Variants in NBPF20 observed in about 807,000 individuals in gnomAD.
NBPF20 encodes NBPF family member NBPF20.
Under a neutral mutation model 68.1 loss-of-function variants are expected in NBPF20, and 90 were observed. The observed-to-expected ratio is 1.32, with a 90% CI of 1.11 to 1.58. NBPF20 has a LOEUF of 1.58. Among genes scored for constraint, NBPF20 ranks in the 40% most tolerant of loss-of-function variants. The probability of loss-of-function intolerance (pLI) is 0.00; values close to 1 mark genes in which losing one functional copy is unlikely to be tolerated. For synonymous variants in NBPF20, 290 were observed against 228.1 expected, an observed-to-expected ratio of 1.27 and a Z score of -2.45; for missense variants, 816 against 601.2, an observed-to-expected ratio of 1.36 and a Z score of -3.74.
the NBPF20 span, among the ~76,000 whole-genome samples, chr1:145,424,869 C>G: frequency 3.9e-5 from 6 of 152,188 alleles, no homozygotes; most frequent in African/African-American, 1.4e-4. Context: ...GCATCATGGA[C>G]TTGGTACACC....
the NBPF20 span, among the ~76,000 whole-genome samples, chr1:145,417,371 A>G: frequency 2.7e-5 from 4 of 147,446 alleles, no homozygotes; most frequent in Non-Finnish European, 6.0e-5. Context: ...AAGAGATAAA[A>G]TAGGAGAAAA....
chr1:145,409,376 G>T (rs1227047236), upstream of NBPF20, among the ~76,000 whole-genome samples: 27 of 147,928 alleles, frequency 1.8e-4, no homozygotes, highest in Non-Finnish European at 3.6e-4. Flanking sequence ...ACTAACACAG[G>T]CCTCCCTAAC....
intron 137 of NBPF20, among the ~76,000 whole-genome samples, chr1:145,291,978 C>G (rs587758207): frequency 2.0e-5 from 3 of 149,860 alleles, no homozygotes; most frequent in South Asian, 4.2e-4. Flanking sequence ...GAGAGAGAGA[C>G]AGAGACAGAG....
chr1:145,424,692 A>G, the NBPF20 span, among the ~76,000 whole-genome samples: 1 of 152,208 alleles, frequency 6.6e-6, no homozygotes, highest in Non-Finnish European at 1.5e-5. Flanking sequence ...CCAAATGAGA[A>G]GATCTAACAA....
intron 2 of NBPF20, among the ~76,000 whole-genome samples, chr1:145,403,552 G>A (rs1451817861): frequency 6.6e-6 from 1 of 152,258 alleles, no homozygotes; most frequent in Admixed American, 6.5e-5. Flanking sequence ...AAGTTGACAA[G>A]ATGATTCAAC....
the NBPF20 span, among the ~76,000 whole-genome samples, chr1:145,415,427 C>T: frequency 1.3e-4 from 19 of 151,776 alleles, no homozygotes; most frequent in African/African-American, 2.2e-4. Flanking sequence ...AGACCCTTTA[C>T]GGGTGTCGGG....
the NBPF20 span, among the ~76,000 whole-genome samples, chr1:145,411,257 T>C: frequency 3.3e-5 from 5 of 149,614 alleles, no homozygotes; most frequent in African/African-American, 1.2e-4. Context: ...TTTTTAAACA[T>C]AACAACTCTT....
intron 8 of NBPF20, among the ~76,000 whole-genome samples, chr1:145,394,743 C>T (rs1182897880): frequency 6.6e-6 from 1 of 151,936 alleles, no homozygotes; most frequent in Non-Finnish European, 1.5e-5. Context: ...TCGTGACAAT[C>T]AGTCCAGGTT....
chr1:145,405,546 C>T lies in NBPF20; in HGVS notation c.-172G>A. The T allele has an allele frequency of 1.8e-6, 2 of 1,136,822 alleles. No individual in the cohort carries two copies. The highest frequency in any genetic ancestry group is 2.5e-6 in the Non-Finnish European group (2 of 811,102). The allele number at this position is 1,136,822 out of a possible 1,614,324, so 70.4% of individuals were successfully genotyped here. On this transcript the variant is annotated 5_prime_UTR_variant, in exon 1 of 138. The change creates a premature stop within an existing upstream ORF in the 5' untranslated region. Coordinates refer to ENST00000369373, the Ensembl canonical transcript of NBPF20. ...TGATAAGAGTGAGGTAGATTGTGGC[C>T]AGCGTGCCAGGTAACCGTCTGCAGT...
chr1:145,306,306 C>A (rs1457774066), intron 119 of NBPF20, among the ~76,000 whole-genome samples: 1 of 149,124 alleles, frequency 6.7e-6, no homozygotes, highest in Non-Finnish European at 1.5e-5. Flanking sequence ...CACAGACACA[C>A]ACACACACAC....
chr1:145,402,619 G>A (rs1292918650), intron 3 of NBPF20, among the ~76,000 whole-genome samples: 4 of 151,580 alleles, frequency 2.6e-5, no homozygotes, highest in Non-Finnish European at 5.9e-5. Context: ...TTTCCCTTCT[G>A]TAAACAAAAG....
chr1:145,291,576 C>A (rs782754077), exon 138 of NBPF20: 7 of 1,611,836 alleles, frequency 4.3e-6, no homozygotes, highest in South Asian at 3.3e-5. Flanking sequence ...AGACTTGTCA[C>A]CGTCAAAGTA....
chr1:145,292,622 C>T (rs1661209802), intron 136 of NBPF20, 133 bp from the exon 142 acceptor site: 4 of 744,348 alleles, frequency 5.4e-6, no homozygotes, highest in African/African-American at 1.9e-5. Flanking sequence ...AGATATATTT[C>T]AGGAGGCCTG....
exon 138 of NBPF20, chr1:145,290,038 A>AATT (rs1349049882): frequency 6.7e-6 from 1 of 149,316 alleles, no homozygotes; most frequent in East Asian, 1.9e-4. Context: ...TATAGATTAA[A>AATT]ATTAACTTTG....
Position 145,292,567 on chromosome 1 carries a change from C to T in NBPF20, c.16589-78G>A, listed in dbSNP as rs587753159. On this transcript the variant is annotated intron_variant, in intron 136 of 137. Transcript: ENST00000369373. ...ATAACAATCCACTGTCTAATCCTCA[C>T]ACAGGGACCTCAGGCTCCCCAGCAT... is the stretch of plus-strand genomic sequence containing the variant. The T allele has an allele frequency of 2.3e-5, 17 of 735,702 alleles. 1 individual carries two copies. Among genetic ancestry groups the T allele is most frequent in the Admixed American group, 5.9e-5 (3 of 51,264 alleles). 45.6% of individuals were successfully genotyped at this position (735,702 alleles called of 1,614,324 possible).
At chr1:145,416,224 T>A in the NBPF20 span, among the ~76,000 whole-genome samples, 4 of 142,128 alleles carry the variant, frequency 2.8e-5, no homozygotes, top group Non-Finnish European at 6.2e-5. Flanking sequence ...TAGCAGATTT[T>A]AAAAAATTCC....
chr1:145,424,598 C>T, the NBPF20 span, among the ~76,000 whole-genome samples: 1 of 152,150 alleles, frequency 6.6e-6, no homozygotes, highest in East Asian at 1.9e-4. Context: ...GACTTCTTTT[C>T]GAAAGCAGCT....
At chr1:145,290,321 C>T (rs1473781618) in exon 138 of NBPF20, 4 of 149,098 alleles carry the variant, frequency 2.7e-5, no homozygotes, top group Non-Finnish European at 4.4e-5. Flanking sequence ...CTCCTAGACC[C>T]CTCCTTAACC....
At chr1:145,393,562 T>C (rs1436992631) in intron 9 of NBPF20, among the ~76,000 whole-genome samples, 1 of 152,056 alleles carries the variant, frequency 6.6e-6, no homozygotes, top group African/African-American at 2.4e-5. Flanking sequence ...ATTTGTGCTC[T>C]CAGGACACAC....
Sources: allele counts gnomAD v4.1 joint callset (sites outside exome capture counted in the v4.1 genomes callset), GRCh38; gene constraint gnomAD v4.1.1; transcripts MANE v1.5; gene names NCBI Gene and HGNC (gene_info 2026-07-23, HGNC 2026-07-21).